The following WBP2NL variants were observed in gnomAD, a reference collection of about 807,000 sequenced individuals.
WBP2NL encodes postacrosomal sheath WW domain-binding protein.
WBP2NL carries 27 observed loss-of-function variants against 23.3 expected under a neutral mutation model. The observed-to-expected ratio is 1.16, with a 90% CI of 0.85 to 1.60. The LOEUF is 1.60. WBP2NL is among the 40% of genes most tolerant of loss of function. The pLI, the probability that WBP2NL is intolerant of heterozygous loss-of-function variation, is 0.00. For missense variants in WBP2NL, 370 were observed against 389.5 expected, an observed-to-expected ratio of 0.95 and a Z score of 0.42; for synonymous variants, 151 against 145.9, an observed-to-expected ratio of 1.03 and a Z score of -0.25.
intron 1 of WBP2NL, among the ~76,000 whole-genome samples, chr22:42,015,364 C>T (rs1174343323): frequency 6.6e-6 from 1 of 152,100 alleles, no homozygotes; most frequent in African/African-American, 2.4e-5. Context: ...CTCAGCCAGG[C>T]AGTTTACAAC....
At chr22:42,049,705 C>CAAAAAAAAAAAAA (rs1158837575) in intron 8 of WBP2NL, among the ~76,000 whole-genome samples, 11 of 37,484 alleles carry the variant, frequency 2.9e-4, no homozygotes, top group Non-Finnish European at 4.4e-4. Flanking sequence ...CAAAACAAAA[C>CAAAAAAAAAAAAA]AAAAAAAAAA....
rs1925998826 is a variant in WBP2NL at position 42,055,571 on chromosome 22, C to T, written c.*274-2719C>T. 3.3e-5 allele frequency among the ~76,000 whole-genome samples: 5 copies of T among 152,146 alleles called. No homozygotes were observed. The South Asian group carries it at 8.3e-4, about 25-fold the overall frequency. ...ATTTGTACTGAGAAGAATGTATATT[C>T]TGCTGCTATTGGGTGGAATGTTCTG... On this transcript the variant is annotated intron_variant and NMD_transcript_variant, in intron 8 of 8. Coordinates refer to the WBP2NL transcript ENST00000436265.
chr22:42,019,220 CAAAAA>C, intron 1 of WBP2NL, 86 bp from the exon 2 acceptor site: 1 of 1,031,238 alleles, frequency 9.7e-7, no homozygotes, highest in Non-Finnish European at 1.4e-6. Context: ...GACTCTGTCT[CAAAAA>C]AAAAAAAAAA....
At chr22:42,024,614 G>A (rs1160865189) in intron 5 of WBP2NL, among the ~76,000 whole-genome samples, 1 of 151,808 alleles carries the variant, frequency 6.6e-6, no homozygotes, top group East Asian at 1.9e-4. Context: ...ATCTTTTAAT[G>A]TGCTTTTTAT....
intron 1 of WBP2NL, among the ~76,000 whole-genome samples, chr22:42,013,817 G>C (rs1923061294): frequency 6.6e-6 from 1 of 151,066 alleles, no homozygotes. Context: ...GTCTCACTCT[G>C]TTGCCCAGAC....
At chr22:42,050,678 A>T (rs1925808432) in intron 8 of WBP2NL, among the ~76,000 whole-genome samples, 1 of 151,866 alleles carries the variant, frequency 6.6e-6, no homozygotes, top group African/African-American at 2.4e-5. Context: ...AAAACTAATT[A>T]AAAAATGGAT....
intron 8 of WBP2NL, among the ~76,000 whole-genome samples, chr22:42,056,540 G>T (rs1011624036): frequency 6.6e-6 from 1 of 152,120 alleles, no homozygotes; most frequent in Non-Finnish European, 1.5e-5. Context: ...ATGTCCTTTA[G>T]TATTTTATGT....
intron 4 of WBP2NL, among the ~76,000 whole-genome samples, chr22:42,020,617 C>T (rs1217815536): frequency 1.3e-5 from 2 of 151,856 alleles, no homozygotes; most frequent in African/African-American, 4.8e-5. Context: ...AAACACTGAC[C>T]TCAGATATCT....
chr22:42,001,986 T>C, intron 1 of WBP2NL: 2 of 1,017,756 alleles, frequency 2.0e-6, no homozygotes, highest in Admixed American at 6.1e-5. Context: ...GGAGGCAGGC[T>C]GCTGTGGGAT....
At chr22:42,019,967 C>T in intron 3 of WBP2NL, 37 bp from the exon 4 acceptor site, 3 of 1,606,074 alleles carry the variant, frequency 1.9e-6, no homozygotes, top group Non-Finnish European at 8.5e-7. Context: ...TCAGCTATGC[C>T]AGTTTCTTGG....
At chr22:42,013,411 AAG>A (rs1452421802) in intron 1 of WBP2NL, among the ~76,000 whole-genome samples, 177 of 152,174 alleles carry the variant, frequency 1.2e-3, no homozygotes, top group African/African-American at 4.2e-3. Context: ...GAAAAAGAAA[AAG>A]AAAAAGAAAT....
rs73885884 is a variant in WBP2NL at position 42,000,511 on chromosome 22, C to T, written c.62+1631C>T. ...ACTGAAATAAAAAACATAATTGAGT[C>T]CCATCATCATCATCATCATAGAAAT... On this transcript the variant is annotated intron_variant, in intron 1 of 5. Coordinates refer to ENST00000328823, the MANE Select transcript of WBP2NL (RefSeq NM_152613.3). 8.8e-3 allele frequency among the ~76,000 whole-genome samples: 1,335 copies of T among 152,104 alleles called. 23 individuals carry two copies. Among genetic ancestry groups the T allele is most frequent in the African/African-American group, 0.031 (1,274 of 41,476 alleles).
chr22:42,009,934 A>G (rs1313882194), intron 1 of WBP2NL, among the ~76,000 whole-genome samples: 4 of 152,192 alleles, frequency 2.6e-5, no homozygotes, highest in Non-Finnish European at 4.4e-5. Context: ...TTTCAAATCC[A>G]TGAACATGGG....
chr22:42,017,389 C>T (rs913713875), intron 1 of WBP2NL, among the ~76,000 whole-genome samples: 4 of 152,152 alleles, frequency 2.6e-5, no homozygotes, highest in Non-Finnish European at 5.9e-5. Flanking sequence ...GGATTACAGG[C>T]GTGAGCCACT....
At chr22:42,042,293 G>C (rs950011965) in intron 8 of WBP2NL, among the ~76,000 whole-genome samples, 3 of 152,060 alleles carry the variant, frequency 2.0e-5, no homozygotes, top group Admixed American at 2.0e-4. Flanking sequence ...CCCATAATGT[G>C]TATATTAGTT....
Position 41,998,873 on chromosome 22 carries a change from G to T in WBP2NL, c.55G>T (p.Gly19Cys). ...CCGCCGCGGAGCCCTCATCCCTAACGGTGAAAGGTGCCTGAGGGGAAGCAC... is the reference window on the plus strand; with the variant it reads ...CCGCCGCGGAGCCCTCATCCCTAACTGTGAAAGGTGCCTGAGGGGAAGCAC... ...ENRRGALIPN[G>C]ESLLKRSPNV... Residue 19 changes from glycine to cysteine, a missense_variant, in exon 1 of 6, where the codon GGT becomes TGT. Gly to Cys is a radical substitution (Grantham distance 159, BLOSUM62 -3). Transcript: ENST00000328823. 6.2e-7 allele frequency: 1 copy of T among 1,611,132 alleles called. No individual in the cohort carries two copies. The highest frequency in any genetic ancestry group is 2.2e-5 in the East Asian group (1 of 44,790).
At chr22:42,046,618 T>TA (rs1463158552) in intron 8 of WBP2NL, among the ~76,000 whole-genome samples, 1 of 152,238 alleles carries the variant, frequency 6.6e-6, no homozygotes, top group Admixed American at 6.5e-5. Flanking sequence ...TCTTCAATCT[T>TA]AAACATTTCT....
intron 8 of WBP2NL, among the ~76,000 whole-genome samples, chr22:42,051,513 C>T (rs949518805): frequency 5.3e-5 from 8 of 152,102 alleles, no homozygotes; most frequent in African/African-American, 1.9e-4. Context: ...AAATTATGAA[C>T]GTTTGCTAAT....
At chr22:42,008,391 G>A (rs2146764714) in intron 1 of WBP2NL, among the ~76,000 whole-genome samples, 1 of 151,362 alleles carries the variant, frequency 6.6e-6, no homozygotes, top group South Asian at 2.1e-4. Flanking sequence ...ATTTTTAGTA[G>A]AGACGGGGTT....
Sources: gnomAD v4.1 joint callset for allele counts (sites outside exome capture counted in the v4.1 genomes callset) on GRCh38, gnomAD v4.1.1 for gene constraint, MANE v1.5 for transcripts, NCBI Gene and HGNC (gene_info 2026-07-23, HGNC 2026-07-21) for gene names.